Variants in CDC42SE2 observed in about 807,000 individuals in gnomAD.
CDC42SE2 encodes CDC42 small effector protein 2.
CDC42SE2 carries 3 observed loss-of-function variants against 11.5 expected under a neutral mutation model. That is an observed-to-expected ratio of 0.26 (90% CI 0.12 to 0.67). The LOEUF (loss-of-function observed/expected upper bound fraction) is 0.67, where lower values mean the gene tolerates loss of function less well. Among genes scored for constraint, CDC42SE2 ranks in the 30% least tolerant of loss-of-function variants. The pLI is 0.80. For synonymous variants in CDC42SE2, 33 were observed against 34.8 expected (o/e 0.95, Z 0.18); for missense variants, 82 against 106.8 (o/e 0.77, Z 1.02).
At chr5:131,228,538 A>G in the CDC42SE2 span, among the ~76,000 whole-genome samples, 18 of 152,226 alleles carry the variant, frequency 1.2e-4, no homozygotes, top group Non-Finnish European at 2.4e-4. Context: ...GTTCCCTGCA[A>G]TAAAAGACAC....
At chr5:131,217,340 A>G in the CDC42SE2 span, among the ~76,000 whole-genome samples, 2 of 152,236 alleles carry the variant, frequency 1.3e-5, no homozygotes, top group Non-Finnish European at 2.9e-5. Flanking sequence ...GTCTAGAAAC[A>G]AAGAAATTAA....
chr5:131,301,555 C>T (rs961801508), intron 1 of CDC42SE2, among the ~76,000 whole-genome samples: 15 of 151,940 alleles, frequency 9.9e-5, no homozygotes, highest in Admixed American at 5.2e-4. Context: ...GTCAGGAGTT[C>T]GAGACCAGCC....
intron 1 of CDC42SE2, among the ~76,000 whole-genome samples, chr5:131,267,057 T>A (rs1756882870): frequency 3.3e-4 from 1 of 3,054 alleles, no homozygotes; most frequent in Admixed American, 0.014. Context: ...AACTCATAAT[T>A]TTTTTTTTTT....
chr5:131,253,813 C>G (rs888062316), intron 1 of CDC42SE2, among the ~76,000 whole-genome samples: 1 of 152,162 alleles, frequency 6.6e-6, no homozygotes, highest in Non-Finnish European at 1.5e-5. Context: ...GGATACTTTT[C>G]TAGGAAACTT....
intron 2 of CDC42SE2, among the ~76,000 whole-genome samples, chr5:131,344,231 C>G (rs115191011): frequency 6.6e-6 from 1 of 152,144 alleles, no homozygotes; most frequent in East Asian, 1.9e-4. Flanking sequence ...CGCAGGGGAT[C>G]GGGGAATTCC....
At chr5:131,336,773 G>A (rs983566288) in intron 2 of CDC42SE2, among the ~76,000 whole-genome samples, 1 of 152,142 alleles carries the variant, frequency 6.6e-6, no homozygotes, top group African/African-American at 2.4e-5. Context: ...CGGTTACTGA[G>A]GCTTGTGCAT....
chr5:131,319,488 T>G (rs1206228582), intron 2 of CDC42SE2, among the ~76,000 whole-genome samples: 3 of 152,200 alleles, frequency 2.0e-5, no homozygotes. Context: ...CTCTGTATAC[T>G]GGCTTCCTTT....
chr5:131,280,081 C>G (rs1757207066), intron 1 of CDC42SE2, among the ~76,000 whole-genome samples: 4 of 152,140 alleles, frequency 2.6e-5, no homozygotes. Flanking sequence ...AAAAATTGAA[C>G]TTAGTTGGCT....
chr5:131,226,084 A>G, the CDC42SE2 span, among the ~76,000 whole-genome samples: 1 of 152,202 alleles, frequency 6.6e-6, no homozygotes, highest in Non-Finnish European at 1.5e-5. Context: ...CTGGGGTAGC[A>G]AGGATCAACT....
upstream of CDC42SE2, chr5:131,261,402 T>A (rs1269293765): frequency 6.6e-6 from 1 of 152,234 alleles, no homozygotes; most frequent in African/African-American, 2.4e-5. Context: ...TCAATTTTTT[T>A]ATAAACAAAA....
At chr5:131,376,407 G>A (rs1450765697) in intron 3 of CDC42SE2, among the ~76,000 whole-genome samples, 1 of 152,126 alleles carries the variant, frequency 6.6e-6, no homozygotes, top group Non-Finnish European at 1.5e-5. Flanking sequence ...TGAGTTCATG[G>A]CTTTAAAGTT....
intron 3 of CDC42SE2, among the ~76,000 whole-genome samples, chr5:131,364,017 A>T (rs542039327): frequency 5.9e-5 from 9 of 152,170 alleles, no homozygotes; most frequent in Admixed American, 4.6e-4. Context: ...TATTTTGGAC[A>T]TGTACGCACT....
the CDC42SE2 span, among the ~76,000 whole-genome samples, chr5:131,218,533 G>A: frequency 7.9e-5 from 12 of 152,144 alleles, no homozygotes; most frequent in African/African-American, 2.9e-4. Flanking sequence ...TGCACTCTGA[G>A]GTATGGAATG....
At chr5:131,319,783 G>A (rs900870009) in intron 2 of CDC42SE2, among the ~76,000 whole-genome samples, 5 of 152,038 alleles carry the variant, frequency 3.3e-5, no homozygotes, top group Admixed American at 6.6e-5. Context: ...CAGGCACGGT[G>A]GCTCACGCCT....
At chr5:131,318,099 C>T (rs930866545) in intron 2 of CDC42SE2, among the ~76,000 whole-genome samples, 3 of 152,008 alleles carry the variant, frequency 2.0e-5, no homozygotes, top group Non-Finnish European at 4.4e-5. Flanking sequence ...CACCACCATG[C>T]CCAGCCAATT....
chr5:131,351,112 A>G (rs1032851870), intron 2 of CDC42SE2, among the ~76,000 whole-genome samples: 2 of 151,726 alleles, frequency 1.3e-5, no homozygotes, highest in African/African-American at 4.8e-5. Context: ...ATGCCCAGCT[A>G]ATTTTTGTAG....
intron 2 of CDC42SE2, among the ~76,000 whole-genome samples, chr5:131,358,831 T>A (rs1445166678): frequency 6.6e-6 from 1 of 152,226 alleles, no homozygotes; most frequent in African/African-American, 2.4e-5. Context: ...TCTGTGAGAA[T>A]AAAGGACTCA....
intron 2 of CDC42SE2, among the ~76,000 whole-genome samples, chr5:131,337,657 C>T (rs1440104449): frequency 2.6e-5 from 4 of 152,224 alleles, no homozygotes; most frequent in Non-Finnish European, 5.9e-5. Context: ...CCTACTCAAG[C>T]CTGAGCAATG....
chr5:131,316,789 CCTCT>C (rs954695782), intron 2 of CDC42SE2, among the ~76,000 whole-genome samples: 1 of 152,106 alleles, frequency 6.6e-6, no homozygotes, highest in African/African-American at 2.4e-5. Flanking sequence ...ATGCCTATAG[CCTCT>C]CTATCTGAAT....
Sources: allele counts gnomAD v4.1 joint callset (sites outside exome capture counted in the v4.1 genomes callset), GRCh38; gene constraint gnomAD v4.1.1; transcripts MANE v1.5; gene names NCBI Gene and HGNC (gene_info 2026-07-23, HGNC 2026-07-21).